The following CCDC102B variants were observed in gnomAD, a reference collection of about 807,000 sequenced individuals.
CCDC102B encodes coiled-coil domain containing 102B, also known as coiled-coil domain-containing protein 102B.
Under a neutral mutation model 57.4 loss-of-function variants are expected in CCDC102B, and 75 were observed. The observed-to-expected ratio is 1.31, with a 90% CI of 1.08 to 1.58. The LOEUF is 1.58. Among genes scored for constraint, CCDC102B ranks in the 40% most tolerant of loss-of-function variants. The pLI is 0.00. For missense variants in CCDC102B, 636 were observed against 582.6 expected, an observed-to-expected ratio of 1.09 and a Z score of -0.94; for synonymous variants, 206 against 201.9, an observed-to-expected ratio of 1.02 and a Z score of -0.17.
At chr18:68,873,755 T>A (rs1293246725) in intron 4 of CCDC102B, among the ~76,000 whole-genome samples, 1 of 152,042 alleles carries the variant, frequency 6.6e-6, no homozygotes, top group Admixed American at 6.6e-5. Flanking sequence ...ATAACATTAG[T>A]TTTTGTATTT....
At chr18:68,895,359 T>C (rs2040206262) in intron 5 of CCDC102B, among the ~76,000 whole-genome samples, 1 of 151,714 alleles carries the variant, frequency 6.6e-6, no homozygotes, top group South Asian at 2.1e-4. Context: ...ATGGTACAAT[T>C]ATATATATAT....
intron 2 of CCDC102B, among the ~76,000 whole-genome samples, chr18:68,790,142 A>G (rs376415586): frequency 0.062 from 8,900 of 143,078 alleles, 440 homozygotes; most frequent in Admixed American, 0.11. Flanking sequence ...TAGGCTGCTC[A>G]GGGGTCAGGG....
At position 68,836,894 on chromosome 18, in the gene CCDC102B, T is replaced by C. The variant is rs1225861236; in HGVS notation, c.131T>C (p.Phe44Ser). Residue 44 changes from phenylalanine to serine, a missense_variant, in exon 2 of 8, where the codon TTC becomes TCC. By Grantham distance (155) the Phe-to-Ser change is radical. Transcript: ENST00000360242. ...SPPRDTCNTC[F>S]PLHGLQSHAA... is the part of the protein sequence containing the mutation. Reference sequence around the variant, plus strand: ...CCCAGGGATACCTGTAATACCTGCTTCCCACTTCATGGGCTACAATCTCAT... The same window carrying C: ...CCCAGGGATACCTGTAATACCTGCTCCCCACTTCATGGGCTACAATCTCAT... 1 of 1,614,162 alleles carries C rather than the reference T, an allele frequency of 6.2e-7. No homozygotes were observed. Among genetic ancestry groups the C allele is most frequent in the South Asian group, 1.1e-5 (1 of 91,078 alleles).
At chr18:68,966,001 G>C (rs1365554680) in intron 6 of CCDC102B, among the ~76,000 whole-genome samples, 2 of 152,044 alleles carry the variant, frequency 1.3e-5, no homozygotes, top group African/African-American at 4.8e-5. Context: ...TCCCCACTAG[G>C]CTTCTTGTAA....
At chr18:68,791,643 T>TGAGA (rs199776285) in intron 2 of CCDC102B, among the ~76,000 whole-genome samples, 822 of 60,922 alleles carry the variant, frequency 0.013, 4 homozygotes, top group East Asian at 0.061. Flanking sequence ...TGTGTGTATG[T>TGAGA]GAGAAAGAGA....
intron 1 of CCDC102B, among the ~76,000 whole-genome samples, chr18:68,820,696 T>C (rs532475942): frequency 1.3e-5 from 2 of 152,304 alleles, no homozygotes; most frequent in Admixed American, 1.3e-4. Flanking sequence ...CATTCATTCA[T>C]TTATTCTTTC....
intron 1 of CCDC102B, among the ~76,000 whole-genome samples, chr18:68,825,181 C>T (rs1314415744): frequency 2.0e-5 from 3 of 152,118 alleles, no homozygotes; most frequent in African/African-American, 7.2e-5. Context: ...GATTTATTCT[C>T]ATAGTAAATG....
chr18:68,965,923 C>T (rs2050155565), intron 6 of CCDC102B, among the ~76,000 whole-genome samples: 1 of 152,108 alleles, frequency 6.6e-6, no homozygotes. Context: ...AAATTCTCCA[C>T]TCAGTTTATG....
intron 6 of CCDC102B, among the ~76,000 whole-genome samples, chr18:68,972,191 T>C (rs1259847832): frequency 1.3e-5 from 2 of 152,210 alleles, no homozygotes; most frequent in Non-Finnish European, 2.9e-5. Context: ...TCTGGGCTAC[T>C]CTTCGTCCTT....
At chr18:68,861,331 T>A (rs1599588751) in intron 4 of CCDC102B, among the ~76,000 whole-genome samples, 2 of 152,260 alleles carry the variant, frequency 1.3e-5, no homozygotes, top group Middle Eastern at 6.8e-3. Flanking sequence ...ATCATATTTT[T>A]CTATTAATTT....
intron 5 of CCDC102B, among the ~76,000 whole-genome samples, chr18:68,896,392 A>G (rs1599650375): frequency 1.3e-5 from 2 of 152,136 alleles, no homozygotes; most frequent in Admixed American, 1.3e-4. Context: ...AGTAATAAAA[A>G]TCTCCTCATG....
Position 69,054,809 on chromosome 18 carries a change from TAC to T in CCDC102B, c.*674_*675del, listed in dbSNP as rs2145507602. The T allele has an allele frequency of 1.0e-6, 1 of 985,324 alleles. No individual in the cohort carries two copies. Among genetic ancestry groups the T allele is most frequent in the African/African-American group, 1.7e-5 (1 of 57,358 alleles). The allele number at this position is 985,324 out of a possible 1,614,324, so 61.0% of individuals were successfully genotyped here. A position where few individuals can be genotyped will look rare whatever the true frequency, so the allele number is the denominator to read the frequency against. ...TGACTTTTATCTGGATAGACATTTCTACAGTAAAATCATGGAAAGGCATCAGC... is the reference window on the plus strand; with the variant it reads ...TGACTTTTATCTGGATAGACATTTCTAGTAAAATCATGGAAAGGCATCAGC... On this transcript the variant is annotated 3_prime_UTR_variant, in exon 8 of 8. Coordinates refer to ENST00000360242, the MANE Select transcript of CCDC102B (RefSeq NM_024781.3).
At chr18:68,955,687 C>A (rs4638689) in intron 6 of CCDC102B, among the ~76,000 whole-genome samples, 1 of 151,444 alleles carries the variant, frequency 6.6e-6, no homozygotes, top group Non-Finnish European at 1.5e-5. Context: ...TAAAGCTAGG[C>A]GTTTCCAAAC....
chr18:68,964,497 A>C (rs1006918549), intron 6 of CCDC102B, among the ~76,000 whole-genome samples: 14 of 151,228 alleles, frequency 9.3e-5, no homozygotes, highest in African/African-American at 3.4e-4. Flanking sequence ...TCAAGTGTTG[A>C]ATCTTGTGAG....
chr18:68,735,904 C>T (rs2033104432), intron 2 of CCDC102B, among the ~76,000 whole-genome samples: 1 of 152,174 alleles, frequency 6.6e-6, no homozygotes, highest in South Asian at 2.1e-4. Context: ...TTAATTCCAT[C>T]CTTAGAACCT....
chr18:68,847,648 A>G lies in CCDC102B; in HGVS notation c.936+1227A>G, dbSNP rs866916610. On this transcript the variant is annotated intron_variant, in intron 4 of 7. Transcript: ENST00000360242. ...AGCAAAGTAAGTGAGAGAAAAAATA[A>G]AAGTATGACATTATACAGTGTAAGG... 3.9e-5 allele frequency among the ~76,000 whole-genome samples: 6 copies of G among 151,972 alleles called. No homozygotes were observed. In the South Asian group the frequency reaches 1.0e-3, roughly 26 times the overall value.
chr18:68,815,466 C>T (rs2036436188), intron 1 of CCDC102B, among the ~76,000 whole-genome samples: 1 of 152,110 alleles, frequency 6.6e-6, no homozygotes, highest in South Asian at 2.1e-4. Context: ...ACTGTGAAGA[C>T]AAGGATAAAT....
At chr18:69,015,079 T>G (rs1311674580) in intron 7 of CCDC102B, among the ~76,000 whole-genome samples, 1 of 151,954 alleles carries the variant, frequency 6.6e-6, no homozygotes, top group Admixed American at 6.6e-5. Flanking sequence ...TTCCCAAGCA[T>G]GAATGGAGGC....
intron 7 of CCDC102B, among the ~76,000 whole-genome samples, chr18:69,043,290 C>A (rs144247857): frequency 5.5e-4 from 83 of 152,212 alleles, no homozygotes; most frequent in Non-Finnish European, 9.6e-4. Context: ...GGGTTTTATA[C>A]GGAGACATTC....
Sources: gnomAD v4.1 joint callset for allele counts (sites outside exome capture counted in the v4.1 genomes callset) on GRCh38, gnomAD v4.1.1 for gene constraint, MANE v1.5 for transcripts, NCBI Gene and HGNC (gene_info 2026-07-23, HGNC 2026-07-21) for gene names.